BRAF: variants seen among roughly 807,000 people sequenced by gnomAD.
BRAF encodes the protein serine/threonine-protein kinase B-raf.
In BRAF, 16 loss-of-function variants were observed where a neutral mutation model predicts 104.6. The observed-to-expected ratio is 0.15, with a 90% CI of 0.10 to 0.23. BRAF has a LOEUF of 0.23. Ranked by LOEUF, BRAF falls within the 10% of genes least tolerant of loss-of-function variation. The pLI is 1.00. For synonymous variants in BRAF, 310 were observed against 341.6 expected (o/e 0.91, Z 1.02); for missense variants, 541 against 937.3 (o/e 0.58, Z 5.52).
At chr7:140,782,163 G>C (rs1800943897) in intron 11 of BRAF, among the ~76,000 whole-genome samples, 1 of 151,976 alleles carries the variant, frequency 6.6e-6, no homozygotes, top group African/African-American at 2.4e-5. Context: ...TGTGGTGTTT[G>C]GTTTTCTGTC....
chr7:140,787,643 A>AT (rs1801528338), intron 8 of BRAF, 59 bp from the exon 9 acceptor site: 2 of 1,400,928 alleles, frequency 1.4e-6, no homozygotes, highest in Admixed American at 3.5e-5. Flanking sequence ...GAGAGTAGCG[A>AT]TAACACTGAA....
Position 140,734,631 on chromosome 7 carries a change from T to C in BRAF, c.2387A>G (p.Gln796Arg). 1 of 1,613,770 alleles carries C rather than the reference T, an allele frequency of 6.2e-7. No individual in the cohort carries two copies. Among genetic ancestry groups the C allele is most frequent in the Non-Finnish European group, 8.5e-7 (1 of 1,179,934 alleles). The change falls in exon 19 of 20, where the codon CAG (glutamine) becomes CGG (arginine). Residue 796 changes from glutamine (Q) to arginine (R), a missense_variant. Coordinates refer to ENST00000644969, the MANE Select transcript of BRAF (RefSeq NM_001374258.1). ...AGGAAACGCACCATATCCCCCTGCC[T>C]GGATGGGTGTTTTTGGAGAAGCACA... ...YACASPKTPI[Q>R]AGGYGEFAAF...
Position 140,723,472 on chromosome 7 carries a change from G to C in BRAF, c.*3022C>G. ...TCAGGGGTGAGATATTCGGGAACCA[G>C]AATTTGACAGCTAGACAGAATCTTC... On this transcript the variant is annotated 3_prime_UTR_variant, in exon 20 of 20. Transcript: ENST00000644969. The C allele has an allele frequency of 9.5e-7, 1 of 1,053,764 alleles. No individual in the cohort carries two copies. Among genetic ancestry groups the C allele is most frequent in the Non-Finnish European group, 1.1e-6 (1 of 872,442 alleles). 65.3% of individuals were successfully genotyped at this position (1,053,764 alleles called of 1,614,324 possible). A position where few individuals can be genotyped will look rare whatever the true frequency, so the allele number is the denominator to read the frequency against.
At chr7:140,787,081 C>CATG (rs1782967864) in intron 9 of BRAF, among the ~76,000 whole-genome samples, 1 of 151,944 alleles carries the variant, frequency 6.6e-6, no homozygotes, top group South Asian at 2.1e-4. Flanking sequence ...GCGGGCGGAT[C>CATG]ACGAGGTCAG....
chr7:140,862,900 T>C lies in BRAF; in HGVS notation c.139-12688A>G, dbSNP rs145838680. The stretch of plus-strand genomic sequence containing the variant: ...AATAAAACTGTTATTTTTTAAAAGA[T>C]AGTAGAATAATGTTTTCACTGTCTG... On this transcript the variant is annotated intron_variant, in intron 1 of 19. Transcript: ENST00000644969. Among the ~76,000 whole-genome samples the C allele has an allele frequency of 2.3e-3, 357 of 152,306 alleles. 2 individuals carry two copies. Among genetic ancestry groups the C allele is most frequent in the Non-Finnish European group, 2.7e-3 (182 of 68,030 alleles).
rs558990907 is a variant in BRAF at position 140,739,966 on chromosome 7, G to T, written c.2113-20C>A. On this transcript the variant is annotated intron_variant, in intron 17 of 19. Coordinates refer to ENST00000644969, the MANE Select transcript of BRAF (RefSeq NM_001374258.1). ...AATTATCTGGAGAGAGAAAAAAAAGGGAAATAATTCAACCTTGTAGATAAG... is the reference window on the plus strand; with the variant it reads ...AATTATCTGGAGAGAGAAAAAAAAGTGAAATAATTCAACCTTGTAGATAAG... 1.9e-6 allele frequency: 3 copies of T among 1,610,968 alleles called. No individual in the cohort carries two copies. In the South Asian group the frequency reaches 3.3e-5, roughly 18 times the overall value.
chr7:140,736,490 C>T (rs575486822), intron 18 of BRAF, among the ~76,000 whole-genome samples: 2 of 150,238 alleles, frequency 1.3e-5, no homozygotes, highest in Admixed American at 6.6e-5. Flanking sequence ...TGCAATGGTG[C>T]GATCTCGGCT....
chr7:140,794,328 T>C lies in BRAF; in HGVS notation c.1120A>G (p.Ile374Val), dbSNP rs397507471. ...SSAPNVHINT[I>V]EPVNIDDLIR... ...CTTACATCAATATTGACAGGTTCTA[T>C]TGTGTTTATATGCACATTGGGAGCT... The change falls in exon 8 of 20, where the codon ATA (isoleucine) becomes GTA (valine). Residue 374 changes from isoleucine (I) to valine (V), a missense_variant. Transcript: ENST00000644969. 5.0e-6 allele frequency: 8 copies of C among 1,614,124 alleles called. No individual in the cohort carries two copies. The highest frequency in any genetic ancestry group is 6.8e-6 in the Non-Finnish European group (8 of 1,180,024).
intron 14 of BRAF, among the ~76,000 whole-genome samples, chr7:140,766,211 G>T (rs980382862): frequency 6.6e-6 from 1 of 151,658 alleles, no homozygotes; most frequent in African/African-American, 2.4e-5. Flanking sequence ...AACACCGCAT[G>T]TTCTCACTCA....
At chr7:140,834,940 A>G in intron 2 of BRAF, 68 bp from the exon 3 acceptor site, 21 of 1,578,986 alleles carry the variant, frequency 1.3e-5, no homozygotes, top group Non-Finnish European at 1.6e-5. Context: ...AGAATATAAA[A>G]TTTTAGCCTT....
Position 140,722,649 on chromosome 7 carries a change from C to CA in BRAF, c.*3844dup. 9.5e-7 allele frequency: 1 copy of CA among 1,053,026 alleles called. No individual in the cohort carries two copies. 65.2% of individuals were successfully genotyped at this position (1,053,026 alleles called of 1,614,324 possible). ...AACTTGGACAAAGAAGAGAATCTTGCAAAAAGAGTAATCATTCTACCCTCT... is the reference window on the plus strand; with the variant it reads ...AACTTGGACAAAGAAGAGAATCTTGCAAAAAAGAGTAATCATTCTACCCTCT... On this transcript the variant is annotated 3_prime_UTR_variant, in exon 20 of 20. Coordinates refer to ENST00000644969, the MANE Select transcript of BRAF (RefSeq NM_001374258.1).
chr7:140,776,587 A>C (rs1407693276), intron 14 of BRAF, among the ~76,000 whole-genome samples: 3 of 152,216 alleles, frequency 2.0e-5, no homozygotes, highest in Non-Finnish European at 4.4e-5. Context: ...CATTCTGTTT[A>C]CTTGCACAAC....
intron 2 of BRAF, among the ~76,000 whole-genome samples, chr7:140,843,263 G>A (rs990271818): frequency 7.2e-5 from 11 of 152,164 alleles, no homozygotes; most frequent in Non-Finnish European, 1.3e-4. Context: ...TAGTATACAA[G>A]AGAACTTCTC....
chr7:140,798,242 G>A (rs1802685288), intron 7 of BRAF, among the ~76,000 whole-genome samples: 1 of 148,458 alleles, frequency 6.7e-6, no homozygotes, highest in Admixed American at 6.7e-5. Flanking sequence ...AATATTCTAG[G>A]ACAGAATGCT....
At chr7:140,811,771 T>C (rs1489162104) in intron 3 of BRAF, among the ~76,000 whole-genome samples, 1 of 152,176 alleles carries the variant, frequency 6.6e-6, no homozygotes, top group Non-Finnish European at 1.5e-5. Flanking sequence ...TAGAGGCCAA[T>C]ATACAGAGGG....
chr7:140,873,994 A>G (rs1811906729), intron 1 of BRAF, among the ~76,000 whole-genome samples: 1 of 152,206 alleles, frequency 6.6e-6, no homozygotes, highest in African/African-American at 2.4e-5. Flanking sequence ...CAAGGAGGGG[A>G]AAAAGAACAA....
At chr7:140,881,615 C>T (rs1315284127) in intron 1 of BRAF, among the ~76,000 whole-genome samples, 4 of 152,190 alleles carry the variant, frequency 2.6e-5, no homozygotes, top group Admixed American at 2.0e-4. Flanking sequence ...TTTGCCTTTA[C>T]ATTCACAACC....
chr7:140,729,365 G>A (rs1387137831), intron 19 of BRAF, among the ~76,000 whole-genome samples: 1 of 152,112 alleles, frequency 6.6e-6, no homozygotes, highest in Non-Finnish European at 1.5e-5. Flanking sequence ...TAAAAACCAG[G>A]CCGGCGAGGT....
chr7:140,786,202 T>C (rs1801336142), intron 9 of BRAF, among the ~76,000 whole-genome samples: 1 of 152,208 alleles, frequency 6.6e-6, no homozygotes, highest in South Asian at 2.1e-4. Context: ...AAAGCTTGTG[T>C]AACTATGTGC....
Sources: gnomAD v4.1 joint callset for allele counts (sites outside exome capture counted in the v4.1 genomes callset) on GRCh38, gnomAD v4.1.1 for gene constraint, MANE v1.5 for transcripts, NCBI Gene and HGNC (gene_info 2026-07-23, HGNC 2026-07-21) for gene names.